The following ACYP2 variants were observed in gnomAD, a reference collection of about 807,000 sequenced individuals.
ACYP2 encodes acylphosphatase-2.
A neutral mutation model predicts 11.2 loss-of-function variants in ACYP2; 12 were observed. The observed-to-expected ratio is 1.08, with a 90% CI of 0.69 to 1.74. The LOEUF (loss-of-function observed/expected upper bound fraction) is 1.74, where lower values mean the gene tolerates loss of function less well. Among genes scored for constraint, ACYP2 ranks in the 40% most tolerant of loss-of-function variants. The pLI is 0.00. For missense variants in ACYP2, 134 were observed against 101.9 expected (o/e 1.31, Z -1.35); for synonymous variants, 43 against 32.2 (o/e 1.33, Z -1.13).
intron 2 of ACYP2, among the ~76,000 whole-genome samples, chr2:54,017,377 CCCAGGTAG>C (rs1673756440): frequency 6.6e-6 from 1 of 151,128 alleles, no homozygotes; most frequent in South Asian, 2.1e-4. Context: ...GCCTCAGCCT[CCCAGGTAG>C]GTGGGATTAT....
chr2:53,981,047 G>A (rs755641166), intron 2 of ACYP2, among the ~76,000 whole-genome samples: 26 of 152,036 alleles, frequency 1.7e-4, no homozygotes, highest in East Asian at 5.8e-4. Context: ...CCACCACACC[G>A]GAACAGATGT....
At chr2:54,064,209 A>G (rs1572676682) in intron 4 of ACYP2, among the ~76,000 whole-genome samples, 1 of 152,044 alleles carries the variant, frequency 6.6e-6, no homozygotes, top group East Asian at 1.9e-4. Flanking sequence ...GGAATTCCCT[A>G]CTTTAGGGGT....
At chr2:54,269,014 A>G (rs1375360021) in intron 6 of ACYP2, among the ~76,000 whole-genome samples, 3 of 152,244 alleles carry the variant, frequency 2.0e-5, no homozygotes, top group African/African-American at 7.2e-5. Context: ...CATCTTACTT[A>G]TAAATGTATC....
At chr2:54,188,152 C>T (rs76201058) in intron 6 of ACYP2, among the ~76,000 whole-genome samples, 2,058 of 152,198 alleles carry the variant, frequency 0.014, 58 homozygotes, top group African/African-American at 0.046. Context: ...AAGAGACACA[C>T]CCAGGTGTCA....
chr2:54,002,377 G>A (rs1030178690), intron 2 of ACYP2, among the ~76,000 whole-genome samples: 2 of 141,142 alleles, frequency 1.4e-5, no homozygotes, highest in Non-Finnish European at 1.5e-5. Flanking sequence ...ACGGAGTCTT[G>A]CTCTGTTGCC....
At chr2:54,051,999 A>G (rs1675889160) in intron 3 of ACYP2, among the ~76,000 whole-genome samples, 1 of 152,150 alleles carries the variant, frequency 6.6e-6, no homozygotes, top group Admixed American at 6.5e-5. Flanking sequence ...ATGAGCCAAG[A>G]TCGCACCATT....
intron 6 of ACYP2, among the ~76,000 whole-genome samples, chr2:54,259,174 G>A (rs1334920747): frequency 6.6e-6 from 1 of 152,206 alleles, no homozygotes; most frequent in Non-Finnish European, 1.5e-5. Context: ...AGATGGTGAA[G>A]GTTATAATGA....
intron 6 of ACYP2, among the ~76,000 whole-genome samples, chr2:54,213,015 G>A (rs1685394278): frequency 6.6e-6 from 1 of 151,366 alleles, no homozygotes; most frequent in African/African-American, 2.4e-5. Flanking sequence ...TGTCACAGTT[G>A]TTTGGTGTAC....
At chr2:53,988,522 T>G (rs1057430690) in intron 2 of ACYP2, among the ~76,000 whole-genome samples, 2 of 151,812 alleles carry the variant, frequency 1.3e-5, no homozygotes, top group African/African-American at 4.8e-5. Flanking sequence ...TGCCTCAGCC[T>G]CCCGAGAAGC....
chr2:54,211,906 GTCTC>G (rs142740126), intron 6 of ACYP2, among the ~76,000 whole-genome samples: 42 of 151,398 alleles, frequency 2.8e-4, no homozygotes, highest in Admixed American at 2.6e-4. Context: ...CTTTCTTTCT[GTCTC>G]TCTCTCTCTC....
intron 6 of ACYP2, among the ~76,000 whole-genome samples, chr2:54,192,337 A>T (rs1558601077): frequency 6.6e-6 from 1 of 152,086 alleles, no homozygotes; most frequent in Non-Finnish European, 1.5e-5. Flanking sequence ...TAGTATCCCT[A>T]TATTTATTAC....
At chr2:54,175,227 A>G (rs1444079801) in intron 6 of ACYP2, among the ~76,000 whole-genome samples, 1 of 152,152 alleles carries the variant, frequency 6.6e-6, no homozygotes, top group Non-Finnish European at 1.5e-5. Context: ...TGGTCTTTTC[A>G]GAGATTCAAC....
intron 6 of ACYP2, among the ~76,000 whole-genome samples, chr2:54,186,058 C>T (rs1349857012): frequency 2.6e-5 from 4 of 151,956 alleles, no homozygotes; most frequent in Non-Finnish European, 4.4e-5. Context: ...CATTGATCTG[C>T]AAATGCATGC....
chr2:54,201,636 C>CTTTCTTTTTTTCTTTGTTTCTTTT (rs59874821), intron 6 of ACYP2, among the ~76,000 whole-genome samples: 1 of 93,662 alleles, frequency 1.1e-5, no homozygotes, highest in African/African-American at 4.3e-5. Context: ...TTCTTTCTTT[C>CTTTCTTTTTTTCTTTGTTTCTTTT]TCTTTCTTTC....
chr2:54,256,282 A>C, intron 6 of ACYP2: 3 of 983,244 alleles, frequency 3.1e-6, no homozygotes, highest in Admixed American at 2.7e-5. Context: ...CGCGACACCC[A>C]CCCCTCAGTC....
intron 6 of ACYP2, among the ~76,000 whole-genome samples, chr2:54,159,952 T>C (rs777670002): frequency 6.6e-6 from 1 of 152,198 alleles, no homozygotes; most frequent in Non-Finnish European, 1.5e-5. Flanking sequence ...CATTCCCCAC[T>C]TGCTGTGTTG....
At chr2:53,989,300 T>TTTC (rs1558455660) in intron 2 of ACYP2, among the ~76,000 whole-genome samples, 1 of 147,156 alleles carries the variant, frequency 6.8e-6, no homozygotes, top group African/African-American at 2.5e-5. Context: ...TTTTTTTTTT[T>TTTC]CACAGACAAG....
intron 2 of ACYP2, among the ~76,000 whole-genome samples, chr2:54,040,123 T>A (rs1337253532): frequency 6.6e-6 from 1 of 151,982 alleles, no homozygotes; most frequent in African/African-American, 2.4e-5. Context: ...GCAGTGGTAG[T>A]AGTGGAAGTG....
At chr2:54,023,144 C>G (rs1313201189) in intron 2 of ACYP2, among the ~76,000 whole-genome samples, 2 of 152,088 alleles carry the variant, frequency 1.3e-5, no homozygotes, top group Admixed American at 6.6e-5. Flanking sequence ...GCCTCATAAC[C>G]TTTCAAAGAA....
Sources: gnomAD v4.1 joint callset for allele counts (sites outside exome capture counted in the v4.1 genomes callset) on GRCh38, gnomAD v4.1.1 for gene constraint, MANE v1.5 for transcripts, NCBI Gene and HGNC (gene_info 2026-07-23, HGNC 2026-07-21) for gene names.